Variants in HIPK2 observed in about 807,000 individuals in gnomAD.
The protein encoded by HIPK2 is homeodomain interacting protein kinase 2.
HIPK2 carries 27 observed loss-of-function variants against 113.7 expected under a neutral mutation model. That is an observed-to-expected ratio of 0.24 (90% CI 0.17 to 0.33). The LOEUF is 0.33. Among genes scored for constraint, HIPK2 ranks in the 10% least tolerant of loss-of-function variants. The pLI, the probability that HIPK2 is intolerant of heterozygous loss-of-function variation, is 1.00. For missense variants in HIPK2, 1,257 were observed against 1,588.0 expected (o/e 0.79, Z 3.54); for synonymous variants, 631 against 642.2 (o/e 0.98, Z 0.26).
At chr7:139,626,503 G>T in intron 6 of HIPK2, 98 bp downstream of exon 6, 1 of 1,303,954 alleles carries the variant, frequency 7.7e-7, no homozygotes, top group Non-Finnish European at 1.1e-6. Flanking sequence ...CTGAGTAGTT[G>T]TTACCAAGAC....
rs1441280057 is a variant in HIPK2 at position 139,572,349 on chromosome 7, G to T, written c.*578C>A. 1 of 152,230 alleles carries T rather than the reference G, an allele frequency of 6.6e-6. No individual in the cohort carries two copies. Among genetic ancestry groups the T allele is most frequent in the East Asian group, 1.9e-4 (1 of 5,194 alleles). 9.4% of individuals were successfully genotyped at this position (152,230 alleles called of 1,614,324 possible). ...TCCTCAGGCTGCAGCCCGACATTCT[G>T]GAGGGCTGTTGACCCTTTCGAGTTC... On this transcript the variant is annotated 3_prime_UTR_variant, in exon 15 of 15. Transcript: ENST00000406875.
Position 139,683,204 on chromosome 7 carries a change from A to G in HIPK2, c.1103+32728T>C, listed in dbSNP as rs552154579. 1.4e-4 allele frequency among the ~76,000 whole-genome samples: 22 copies of G among 152,348 alleles called. No homozygotes were observed. The highest frequency in any genetic ancestry group is 4.6e-4 in the African/African-American group (19 of 41,594). ...CGTGACCTGCTTCATGCTTAACTAT[A>G]TAACACGCGTGCCACACACGAGGAT... On this transcript the variant is annotated intron_variant, in intron 2 of 14. Coordinates refer to ENST00000406875, the MANE Select transcript of HIPK2 (RefSeq NM_022740.5). The surrounding 1 kb of genome is among the most constrained non-coding windows in gnomAD (Gnocchi z 4.2).
At chr7:139,712,470 T>C (rs1585408375) in intron 2 of HIPK2, among the ~76,000 whole-genome samples, 2 of 152,336 alleles carry the variant, frequency 1.3e-5, no homozygotes, top group South Asian at 2.1e-4. Flanking sequence ...GGGACGATAA[T>C]GTGCCCAGCT....
chr7:139,653,520 G>A (rs558190105), intron 2 of HIPK2, among the ~76,000 whole-genome samples: 1 of 151,344 alleles, frequency 6.6e-6, no homozygotes, highest in Admixed American at 6.6e-5. Context: ...TCTGCCTCCT[G>A]TTACAGACAT....
chr7:139,697,826 T>A (rs1372751991), intron 2 of HIPK2, among the ~76,000 whole-genome samples: 1 of 151,002 alleles, frequency 6.6e-6, no homozygotes, highest in Non-Finnish European at 1.5e-5. Flanking sequence ...TATTATCCCC[T>A]CCTCCCAGCC....
chr7:139,639,844 T>A (rs1347399392), intron 2 of HIPK2, among the ~76,000 whole-genome samples: 3 of 152,226 alleles, frequency 2.0e-5, no homozygotes, highest in African/African-American at 4.8e-5. Flanking sequence ...ACCTTGTCAG[T>A]ACCTCCTATG....
rs781716780 is a variant in HIPK2, at chr7:139,776,644, G to C, written c.19+961C>G. ...GGACCCACGCTAAAAGTATGTGAAG[G>C]CTGCGATTTCAATGATTTCATGAGA... On this transcript the variant is annotated intron_variant, in intron 1 of 14. Transcript: ENST00000406875. Among the ~76,000 whole-genome samples the C allele has an allele frequency of 1.1e-4, 17 of 152,116 alleles. No individual in the cohort carries two copies. In the East Asian group the frequency reaches 3.1e-3, roughly 28 times the overall value.
intron 1 of HIPK2, among the ~76,000 whole-genome samples, chr7:139,724,241 G>A (rs1260388217): frequency 2.6e-5 from 4 of 151,964 alleles, no homozygotes; most frequent in Non-Finnish European, 5.9e-5. Context: ...TAATACCTCA[G>A]GGGGTCAAAA....
At chr7:139,706,401 C>T (rs1456680261) in intron 2 of HIPK2, among the ~76,000 whole-genome samples, 1 of 152,166 alleles carries the variant, frequency 6.6e-6, no homozygotes, top group African/African-American at 2.4e-5. Flanking sequence ...AGAAACTGGG[C>T]ATGCGAGGGT....
At chr7:139,742,579 A>G (rs1271038652) in intron 1 of HIPK2, among the ~76,000 whole-genome samples, 1 of 152,182 alleles carries the variant, frequency 6.6e-6, no homozygotes, top group Non-Finnish European at 1.5e-5. Flanking sequence ...TGGATTGGAT[A>G]ATCCCCAAGG....
chr7:139,591,756 T>A (rs1159633421), intron 12 of HIPK2, among the ~76,000 whole-genome samples: 1 of 152,260 alleles, frequency 6.6e-6, no homozygotes, highest in Non-Finnish European at 1.5e-5. Context: ...GGATGTATTG[T>A]ACTCAAAATG....
chr7:139,591,715 G>T (rs921464142), intron 12 of HIPK2, among the ~76,000 whole-genome samples: 1 of 152,236 alleles, frequency 6.6e-6, no homozygotes, highest in African/African-American at 2.4e-5. Flanking sequence ...CTCTTGAGAT[G>T]AGTCACATGA....
chr7:139,750,081 C>T (rs555408545), intron 1 of HIPK2, among the ~76,000 whole-genome samples: 1 of 152,324 alleles, frequency 6.6e-6, no homozygotes, highest in Admixed American at 6.5e-5. Flanking sequence ...GACATTAATA[C>T]AGAAACCAAC....
At chr7:139,689,550 A>G (rs1052004440) in intron 2 of HIPK2, among the ~76,000 whole-genome samples, 1 of 151,202 alleles carries the variant, frequency 6.6e-6, no homozygotes, top group African/African-American at 2.5e-5. Context: ...TTCCTGTCTC[A>G]GTTACCTTAT....
intron 1 of HIPK2, among the ~76,000 whole-genome samples, chr7:139,732,799 A>G (rs1795832183): frequency 7.0e-6 from 1 of 142,096 alleles, no homozygotes; most frequent in African/African-American, 2.8e-5. Flanking sequence ...CATATAATAT[A>G]TATAACATAT....
chr7:139,625,300 C>T (rs569608681), intron 6 of HIPK2, among the ~76,000 whole-genome samples: 2 of 152,342 alleles, frequency 1.3e-5, no homozygotes, highest in South Asian at 4.1e-4. Flanking sequence ...GCTTTTACCA[C>T]TCCACTGAAT....
intron 2 of HIPK2, among the ~76,000 whole-genome samples, chr7:139,670,755 CTTTCTTTTTTTTTT>C (rs1802250906): frequency 2.7e-5 from 1 of 37,032 alleles, no homozygotes; most frequent in African/African-American, 1.2e-4. Flanking sequence ...TTCTTTCTTT[CTTTCTTTTTTTTTT>C]TTTTTTTTTT....
chr7:139,726,031 G>A (rs183735639), intron 1 of HIPK2, among the ~76,000 whole-genome samples: 12 of 152,280 alleles, frequency 7.9e-5, no homozygotes, highest in South Asian at 2.1e-4. Context: ...CTGACTATAC[G>A]TCACCTGATA....
chr7:139,576,005 G>A (rs972182083), intron 13 of HIPK2, among the ~76,000 whole-genome samples: 13 of 152,224 alleles, frequency 8.5e-5, no homozygotes, highest in African/African-American at 3.1e-4. Flanking sequence ...CCAGTCTCAG[G>A]TACTCTGTTA....
Sources: allele counts gnomAD v4.1 joint callset (sites outside exome capture counted in the v4.1 genomes callset), GRCh38; gene constraint gnomAD v4.1.1; non-coding constraint Gnocchi (gnomAD v3.1); transcripts MANE v1.5; gene names NCBI Gene and HGNC (gene_info 2026-07-23, HGNC 2026-07-21).